Variants in TBC1D5 observed in about 807,000 individuals in gnomAD.
The protein encoded by TBC1D5 is TBC1 domain family, member 5.
TBC1D5 carries 75 observed loss-of-function variants against 100.3 expected under a neutral mutation model. The observed-to-expected ratio is 0.75, with a 90% CI of 0.62 to 0.91. TBC1D5 has a LOEUF of 0.91. Among genes scored for constraint, TBC1D5 ranks in the 40% least tolerant of loss-of-function variants. TBC1D5 has a pLI of 0.00. For synonymous variants in TBC1D5, 323 were observed against 325.6 expected, an observed-to-expected ratio of 0.99 and a Z score of 0.09; for missense variants, 910 against 942.4, an observed-to-expected ratio of 0.97 and a Z score of 0.45.
chr3:17,444,068 A>G (rs2149586956), intron 3 of TBC1D5, among the ~76,000 whole-genome samples: 1 of 152,272 alleles, frequency 6.6e-6, no homozygotes, highest in Non-Finnish European at 1.5e-5. Context: ...TAAATGTAAA[A>G]ATTACCTAAA....
At chr3:17,494,408 G>C (rs2095677630) in intron 3 of TBC1D5, among the ~76,000 whole-genome samples, 1 of 152,224 alleles carries the variant, frequency 6.6e-6, no homozygotes, top group South Asian at 2.1e-4. Context: ...TCAGGAACCT[G>C]CTTAAAGCAA....
intron 3 of TBC1D5, among the ~76,000 whole-genome samples, chr3:17,474,786 T>A (rs954601234): frequency 2.0e-5 from 3 of 152,080 alleles, no homozygotes; most frequent in Non-Finnish European, 4.4e-5. Context: ...CAAGGACACG[T>A]TAAGACTTAT....
At chr3:17,311,160 T>A (rs1205797103) in intron 13 of TBC1D5, among the ~76,000 whole-genome samples, 1 of 152,044 alleles carries the variant, frequency 6.6e-6, no homozygotes, top group Non-Finnish European at 1.5e-5. Flanking sequence ...TTTATTGCAG[T>A]TAAAAATATT....
intron 4 of TBC1D5, among the ~76,000 whole-genome samples, chr3:17,424,351 G>A (rs996727137): frequency 2.0e-4 from 30 of 152,100 alleles, no homozygotes; most frequent in Non-Finnish European, 3.5e-4. Flanking sequence ...GAGGAGGAGA[G>A]GAGTGGCCTG....
chr3:17,566,469 G>A (rs1216658774), intron 2 of TBC1D5, among the ~76,000 whole-genome samples: 1 of 151,868 alleles, frequency 6.6e-6, no homozygotes, highest in Non-Finnish European at 1.5e-5. Flanking sequence ...ATCCCCGTCT[G>A]GAGCAAATCT....
Position 17,403,250 on chromosome 3 carries a change from T to C in TBC1D5, c.442-2A>G. 1.3e-6 allele frequency: 2 copies of C among 1,582,218 alleles called. No homozygotes were observed. Among genetic ancestry groups the C allele is most frequent in the Non-Finnish European group, 1.7e-6 (2 of 1,160,054 alleles). On this transcript the variant is annotated splice_acceptor_variant, in intron 7 of 21. Coordinates refer to ENST00000253692, the Ensembl canonical transcript of TBC1D5. LOFTEE classifies it high-confidence loss of function. ...TTGGAAGAATTTGTTCCAAAGACTC[T>C]GAAATAAGGAAAACAATCTATTATA...
At chr3:17,711,255 T>C (rs561378858) in intron 1 of TBC1D5, among the ~76,000 whole-genome samples, 1 of 152,320 alleles carries the variant, frequency 6.6e-6, no homozygotes, top group South Asian at 2.1e-4. Context: ...TTTAAAAAGG[T>C]ATTTTTATAC....
At chr3:17,228,172 T>C (rs1418716488) in intron 17 of TBC1D5, among the ~76,000 whole-genome samples, 1 of 152,072 alleles carries the variant, frequency 6.6e-6, no homozygotes, top group African/African-American at 2.4e-5. Context: ...TGGTGGTAGA[T>C]TTGAGAGATG....
At chr3:17,698,254 C>T (rs1261972145) in intron 1 of TBC1D5, among the ~76,000 whole-genome samples, 1 of 152,222 alleles carries the variant, frequency 6.6e-6, no homozygotes. Flanking sequence ...CTACAACTAT[C>T]TGATCTTTGA....
chr3:17,472,390 A>G (rs1344549406), intron 3 of TBC1D5, among the ~76,000 whole-genome samples: 2 of 152,054 alleles, frequency 1.3e-5, no homozygotes, highest in African/African-American at 4.8e-5. Flanking sequence ...CGCCCACCTC[A>G]GCCTCCCAAA....
chr3:17,232,437 T>G (rs1216264695), intron 17 of TBC1D5, among the ~76,000 whole-genome samples: 1 of 149,576 alleles, frequency 6.7e-6, no homozygotes, highest in Admixed American at 6.7e-5. Flanking sequence ...GATGATCACA[T>G]TAACATTCAT....
intron 17 of TBC1D5, among the ~76,000 whole-genome samples, chr3:17,229,917 A>C (rs2075270344): frequency 6.6e-6 from 1 of 152,194 alleles, no homozygotes; most frequent in African/African-American, 2.4e-5. Context: ...TTTTCAGTCC[A>C]AAAACAACTC....
intron 2 of TBC1D5, among the ~76,000 whole-genome samples, chr3:17,555,154 CT>C (rs912561808): frequency 3.3e-5 from 5 of 149,368 alleles, no homozygotes; most frequent in Non-Finnish European, 4.5e-5. Flanking sequence ...AGGCCTTGTG[CT>C]TTTTTTTTTC....
At chr3:17,614,502 A>T (rs1393855393) in intron 2 of TBC1D5, among the ~76,000 whole-genome samples, 1 of 152,128 alleles carries the variant, frequency 6.6e-6, no homozygotes, top group Non-Finnish European at 1.5e-5. Flanking sequence ...CACAATGTTG[A>T]TTCCTCCTAT....
chr3:17,612,878 G>A (rs1244166734), intron 2 of TBC1D5, among the ~76,000 whole-genome samples: 1 of 147,952 alleles, frequency 6.8e-6, no homozygotes, highest in African/African-American at 2.5e-5. Context: ...GGATGAGAAA[G>A]CCCCCTTTTC....
chr3:17,293,082 G>A (rs147926250), intron 14 of TBC1D5, among the ~76,000 whole-genome samples: 14 of 152,238 alleles, frequency 9.2e-5, no homozygotes, highest in Admixed American at 6.5e-4. Context: ...ATCTATGTAA[G>A]GAATCACTTT....
intron 14 of TBC1D5, among the ~76,000 whole-genome samples, chr3:17,307,445 A>G (rs2083508700): frequency 6.6e-6 from 1 of 152,230 alleles, no homozygotes; most frequent in Admixed American, 6.5e-5. Context: ...TCCGGTTATT[A>G]CAGACACCAT....
At chr3:17,386,712 C>T (rs1197547044) in intron 8 of TBC1D5, among the ~76,000 whole-genome samples, 2 of 152,118 alleles carry the variant, frequency 1.3e-5, no homozygotes, top group Non-Finnish European at 2.9e-5. Context: ...TCTTCCACTA[C>T]GTGGCTGTGC....
chr3:17,317,539 C>T (rs920693129), intron 13 of TBC1D5, among the ~76,000 whole-genome samples: 1 of 152,180 alleles, frequency 6.6e-6, no homozygotes, highest in East Asian at 1.9e-4. Flanking sequence ...GGGATTGGCT[C>T]CTCCATTTTA....
Sources: gnomAD v4.1 joint callset for allele counts (sites outside exome capture counted in the v4.1 genomes callset) on GRCh38, gnomAD v4.1.1 for gene constraint, MANE v1.5 for transcripts, NCBI Gene and HGNC (gene_info 2026-07-23, HGNC 2026-07-21) for gene names.